GRID2: variants seen among roughly 807,000 people sequenced by gnomAD.
GRID2 encodes glutamate receptor ionotropic, delta-2.
In GRID2, 33 loss-of-function variants were observed where a neutral mutation model predicts 114.8. The ratio of observed to expected loss-of-function variants is 0.29; its 90% CI spans 0.22 to 0.38. The LOEUF (loss-of-function observed/expected upper bound fraction) is 0.38, where lower values mean the gene tolerates loss of function less well. Ranked by LOEUF, GRID2 falls within the 10% of genes least tolerant of loss-of-function variation. GRID2 has a pLI of 1.00. For synonymous variants in GRID2, 505 were observed against 449.9 expected, an observed-to-expected ratio of 1.12 and a Z score of -1.55; for missense variants, 1,184 against 1,257.7, an observed-to-expected ratio of 0.94 and a Z score of 0.89.
rs559317597 is a variant in GRID2 at position 92,331,486 on chromosome 4, T to C, written c.88+26742T>C. ...GGAATGGCGCTTTGCTTTTCTTTTA[T>C]TGAGGGTAAGCAAATACTTGTGAAA... On this transcript the variant is annotated intron_variant, in intron 1 of 15. Transcript: ENST00000282020. Among the ~76,000 whole-genome samples, 4 of 152,290 alleles carry C rather than the reference T, an allele frequency of 2.6e-5. No individual in the cohort carries two copies. The East Asian group carries it at 7.7e-4, about 29-fold the overall frequency.
At chr4:93,163,397 T>TATAC (rs1194873459) in intron 4 of GRID2, among the ~76,000 whole-genome samples, 5 of 40,584 alleles carry the variant, frequency 1.2e-4, no homozygotes, top group East Asian at 6.3e-4. Flanking sequence ...TATATATATA[T>TATAC]ATACACTATA....
chr4:92,414,470 A>G (rs1417647181), intron 1 of GRID2, among the ~76,000 whole-genome samples: 1 of 152,164 alleles, frequency 6.6e-6, no homozygotes, highest in Non-Finnish European at 1.5e-5. Flanking sequence ...AAGAGAAGCA[A>G]TAGAGTTAAC....
chr4:92,483,855 C>T (rs1046785928), intron 1 of GRID2, among the ~76,000 whole-genome samples: 3 of 152,098 alleles, frequency 2.0e-5, no homozygotes, highest in Non-Finnish European at 4.4e-5. Flanking sequence ...GTTGGTGTTT[C>T]CTGCCACACC....
chr4:92,465,073 C>T (rs972843785), intron 1 of GRID2, among the ~76,000 whole-genome samples: 1 of 152,110 alleles, frequency 6.6e-6, no homozygotes, highest in African/African-American at 2.4e-5. Flanking sequence ...TGAGGCCACC[C>T]AGCCATGCTT....
chr4:93,156,238 CTT>C (rs1413631120), intron 4 of GRID2, among the ~76,000 whole-genome samples: 8 of 151,560 alleles, frequency 5.3e-5, no homozygotes, highest in Non-Finnish European at 7.4e-5. Flanking sequence ...ATATTTACCT[CTT>C]AATAAAAGAA....
chr4:93,681,760 G>A (rs13137066), intron 14 of GRID2, among the ~76,000 whole-genome samples: 4,608 of 151,932 alleles, frequency 0.03, 112 homozygotes, highest in African/African-American at 0.061. Context: ...CCTTCCTTAC[G>A]TCTTATACAA....
intron 9 of GRID2, among the ~76,000 whole-genome samples, chr4:93,421,335 A>T (rs1033631084): frequency 1.3e-5 from 2 of 152,212 alleles, no homozygotes; most frequent in African/African-American, 4.8e-5. Context: ...AATATAAAAA[A>T]ATATAATTAG....
At chr4:93,691,703 AT>A (rs1726578261) in intron 14 of GRID2, among the ~76,000 whole-genome samples, 1 of 152,020 alleles carries the variant, frequency 6.6e-6, no homozygotes, top group South Asian at 2.1e-4. Flanking sequence ...GCTATTTCAC[AT>A]TTTTTAAATA....
chr4:92,724,959 A>C (rs1011908319), intron 2 of GRID2, among the ~76,000 whole-genome samples: 1 of 152,168 alleles, frequency 6.6e-6, no homozygotes, highest in Non-Finnish European at 1.5e-5. Flanking sequence ...GACATGATTG[A>C]CAGTAGCCAA....
intron 13 of GRID2, among the ~76,000 whole-genome samples, chr4:93,539,907 G>A (rs1732481928): frequency 6.6e-6 from 1 of 151,678 alleles, no homozygotes; most frequent in South Asian, 2.1e-4. Context: ...ATTTGTGCTG[G>A]GCACCTGAGA....
chr4:93,287,460 TCAAA>T (rs1337869374), intron 8 of GRID2, among the ~76,000 whole-genome samples: 3 of 152,136 alleles, frequency 2.0e-5, no homozygotes, highest in Non-Finnish European at 4.4e-5. Context: ...AAAATCAGTT[TCAAA>T]CAAACACTCT....
At chr4:92,701,174 GGTT>G (rs1211834715) in intron 2 of GRID2, among the ~76,000 whole-genome samples, 1 of 152,012 alleles carries the variant, frequency 6.6e-6, no homozygotes, top group Non-Finnish European at 1.5e-5. Flanking sequence ...AATCTCATAG[GGTT>G]GTTGTGAGAA....
intron 14 of GRID2, among the ~76,000 whole-genome samples, chr4:93,714,069 A>G (rs1399054123): frequency 2.0e-5 from 3 of 151,976 alleles, no homozygotes; most frequent in African/African-American, 7.2e-5. Context: ...TCCATTAGCT[A>G]TTCTTCCTGA....
chr4:93,785,601 A>G (rs982732598), intron 1 of GRID2, among the ~76,000 whole-genome samples: 1 of 152,240 alleles, frequency 6.6e-6, no homozygotes, highest in African/African-American at 2.4e-5. Context: ...TGCTTCATTA[A>G]CCGTGATAAA....
intron 1 of GRID2, among the ~76,000 whole-genome samples, chr4:92,315,993 C>CAAAAAAAAAAAAAAAAAAAAAGAAAA (rs1725955898): frequency 1.6e-5 from 1 of 61,916 alleles, no homozygotes; most frequent in African/African-American, 6.1e-5. Flanking sequence ...AAACAAAAAG[C>CAAAAAAAAAAAAAAAAAAAAAGAAAA]AAAAAAAAAA....
intron 1 of GRID2, among the ~76,000 whole-genome samples, chr4:92,418,761 T>C (rs1314132316): frequency 6.6e-6 from 1 of 152,108 alleles, no homozygotes; most frequent in African/African-American, 2.4e-5. Context: ...GGTTAATGTT[T>C]GTTTAGATAC....
At chr4:92,697,453 A>C (rs751644055) in intron 2 of GRID2, among the ~76,000 whole-genome samples, 1 of 152,152 alleles carries the variant, frequency 6.6e-6, no homozygotes, top group Non-Finnish European at 1.5e-5. Flanking sequence ...TCTTAATTGC[A>C]AAAGACTCTG....
At chr4:92,938,035 C>A (rs1371115907) in intron 2 of GRID2, among the ~76,000 whole-genome samples, 1 of 146,600 alleles carries the variant, frequency 6.8e-6, no homozygotes, top group South Asian at 2.3e-4. Context: ...TTCAGACTTC[C>A]CATTGTTTTT....
At chr4:92,953,749 T>C (rs1022716323) in intron 2 of GRID2, among the ~76,000 whole-genome samples, 19 of 152,114 alleles carry the variant, frequency 1.2e-4, no homozygotes, top group Non-Finnish European at 2.4e-4. Context: ...TACCATATTT[T>C]TTTATGAACC....
Sources: gnomAD v4.1 joint callset for allele counts (sites outside exome capture counted in the v4.1 genomes callset) on GRCh38, gnomAD v4.1.1 for gene constraint, MANE v1.5 for transcripts, NCBI Gene and HGNC (gene_info 2026-07-23, HGNC 2026-07-21) for gene names.